LCP1: variants seen among roughly 807,000 people sequenced by gnomAD.
The protein encoded by LCP1 is plastin-2.
In LCP1, 23 loss-of-function variants were observed where a neutral mutation model predicts 72.0. That is an observed-to-expected ratio of 0.32 (90% CI 0.23 to 0.45). The LOEUF (loss-of-function observed/expected upper bound fraction) is 0.45. Among genes scored for constraint, LCP1 ranks in the 20% least tolerant of loss-of-function variants. The pLI is 1.00. For missense variants in LCP1, 571 were observed against 748.3 expected (o/e 0.76, Z 2.76); for synonymous variants, 245 against 275.4 (o/e 0.89, Z 1.09).
intron 10 of LCP1, among the ~76,000 whole-genome samples, chr13:46,146,223 C>A (rs2045730030): frequency 6.6e-6 from 1 of 152,190 alleles, no homozygotes; most frequent in Admixed American, 6.5e-5. Flanking sequence ...GAGTAAAGCA[C>A]TGTGGAAAAG....
chr13:46,175,822 T>C (rs138008761), intron 1 of LCP1, among the ~76,000 whole-genome samples: 33 of 152,360 alleles, frequency 2.2e-4, no homozygotes, highest in Non-Finnish European at 7.3e-5. Flanking sequence ...TCAGTTCGCA[T>C]TTTTAAGATG....
In LCP1 at chr13:46,142,326, G is replaced by T; in HGVS notation, c.1468C>A (p.Leu490Ile). Residue 490 changes from leucine (L) to isoleucine (I), a missense_variant, in exon 13 of 16, where the codon CTC becomes ATC. By Grantham distance (5) the Leu-to-Ile change is conservative. Coordinates refer to ENST00000323076, the MANE Select transcript of LCP1 (RefSeq NM_002298.5). Reference protein sequence around the residue: ...GQDLNEGNRTLTLALIWQLMR... With the variant: ...GQDLNEGNRTITLALIWQLMR... ...AGCTGCCAAATCAAGGCCAGTGTGA[G>T]AGTGCGGTTTCCTTCATTGAGATCT... The T allele has an allele frequency of 6.2e-7, 1 of 1,613,964 alleles. No homozygotes were observed. The highest frequency in any genetic ancestry group is 8.5e-7 in the Non-Finnish European group (1 of 1,179,910).
intron 1 of LCP1, among the ~76,000 whole-genome samples, chr13:46,178,987 A>G (rs9567635): frequency 0.019 from 2,860 of 152,278 alleles, 83 homozygotes; most frequent in East Asian, 0.15. Flanking sequence ...TGACTTGAGA[A>G]TTTTCTGAGA....
At chr13:46,129,354 T>A (rs920042429) in intron 15 of LCP1, among the ~76,000 whole-genome samples, 1 of 152,174 alleles carries the variant, frequency 6.6e-6, no homozygotes, top group African/African-American at 2.4e-5. Flanking sequence ...CCCTTGAACA[T>A]CTGGGCTGAA....
Position 46,127,539 on chromosome 13 carries a change from T to G in LCP1, c.*52A>C. The stretch of plus-strand genomic sequence containing the variant: ...GCTTGAATCATCCCTGGAGCATCTG[T>G]GCCGGGCAGTCAGGAGTGAGTGCAC... On this transcript the variant is annotated 3_prime_UTR_variant, in exon 16 of 16. Transcript: ENST00000323076. 6.2e-7 allele frequency: 1 copy of G among 1,608,548 alleles called. No homozygotes were observed. Among genetic ancestry groups the G allele is most frequent in the Non-Finnish European group, 8.5e-7 (1 of 1,176,732 alleles).
intron 8 of LCP1, among the ~76,000 whole-genome samples, chr13:46,149,627 C>T (rs774367006): frequency 6.6e-6 from 1 of 152,190 alleles, no homozygotes; most frequent in Non-Finnish European, 1.5e-5. Context: ...CATGACAGCA[C>T]GGAGTCAGTT....
Position 46,158,503 on chromosome 13 carries a change from A to G in LCP1, c.358+19T>C, listed in dbSNP as rs767753970. The G allele has an allele frequency of 4.3e-6, 7 of 1,611,040 alleles. No homozygotes were observed. The highest frequency in any genetic ancestry group is 5.9e-6 in the Non-Finnish European group (7 of 1,179,166). On this transcript the variant is annotated intron_variant, in intron 4 of 15. Coordinates refer to ENST00000323076, the MANE Select transcript of LCP1 (RefSeq NM_002298.5). ...TCTGTAATCCTGAAATCCTGCTCCA[A>G]CCCAGGAGTTGAGCCTACCTGAATA...
chr13:46,155,205 TA>T (rs1280944694), intron 5 of LCP1, among the ~76,000 whole-genome samples: 3 of 152,234 alleles, frequency 2.0e-5, no homozygotes, highest in Admixed American at 6.5e-5. Flanking sequence ...AATTCTACCA[TA>T]AGTACTTTAT....
At chr13:46,159,754 G>T in intron 1 of LCP1, 68 bp from the exon 2 acceptor site, 3 of 866,756 alleles carry the variant, frequency 3.5e-6, no homozygotes, top group East Asian at 2.4e-5. Context: ...ACATTAAGAA[G>T]CAATTCCCAT....
intron 6 of LCP1, among the ~76,000 whole-genome samples, chr13:46,154,541 T>C (rs1401182803): frequency 5.9e-5 from 9 of 152,230 alleles, no homozygotes; most frequent in Non-Finnish European, 1.3e-4. Context: ...TAAGGAAAGC[T>C]TGAGTTAAAA....
intron 14 of LCP1, among the ~76,000 whole-genome samples, chr13:46,131,240 A>C (rs1274798829): frequency 3.9e-5 from 6 of 152,228 alleles, no homozygotes; most frequent in Non-Finnish European, 8.8e-5. Flanking sequence ...CAAGCATATG[A>C]AAAAATGCAA....
rs755946123 is a variant in LCP1, at chr13:46,143,392, A to C, written c.1266T>G (p.Asp422Glu). 6.2e-7 allele frequency: 1 copy of C among 1,612,692 alleles called. No homozygotes were observed. The highest frequency in any genetic ancestry group is 1.7e-5 in the Admixed American group (1 of 60,030). ...RVNHLYSDLS[D>E]ALVIFQLYEK... is the part of the protein sequence containing the mutation. ...CATAGAGCTGGAAGATGACCAGGGC[A>C]TCTGATAAGTCACTGAACAAAACAA... Residue 422 changes from aspartate to glutamate, a missense_variant, in exon 12 of 16, where the codon GAT becomes GAG. Asp to Glu is a conservative substitution (Grantham distance 45, BLOSUM62 2). Transcript: ENST00000323076.
chr13:46,156,444 A>T lies in LCP1; in HGVS notation c.485T>A (p.Val162Asp). 1 of 1,613,732 alleles carries T rather than the reference A, an allele frequency of 6.2e-7. No individual in the cohort carries two copies. The highest frequency in any genetic ancestry group is 8.5e-7 in the Non-Finnish European group (1 of 1,179,830). The change falls in exon 5 of 16, where the codon GTC becomes GAC. Residue 162 changes from valine (V) to aspartate (D), a missense_variant. By Grantham distance (152) the Val-to-Asp change is radical. Coordinates refer to ENST00000323076, the MANE Select transcript of LCP1 (RefSeq NM_002298.5). ...AGAAAGAAGTATTATTTACCAAAGGACAATGCCATCTCCAACAGCATTAAA... is the reference window on the plus strand; with the variant it reads ...AGAAAGAAGTATTATTTACCAAAGGTCAATGCCATCTCCAACAGCATTAAA... ...DLFNAVGDGIVLCKMINLSVP... is the reference protein window; with the variant it reads ...DLFNAVGDGIDLCKMINLSVP...
At chr13:46,130,697 A>G (rs1198425994) in intron 15 of LCP1, 117 bp downstream of exon 15, 2 of 1,276,780 alleles carry the variant, frequency 1.6e-6, no homozygotes, top group East Asian at 2.5e-5. Context: ...GAGAAGGAAA[A>G]GCACGGATAG....
intron 14 of LCP1, among the ~76,000 whole-genome samples, chr13:46,131,709 A>G (rs2045635284): frequency 6.6e-6 from 1 of 152,196 alleles, no homozygotes; most frequent in Non-Finnish European, 1.5e-5. Context: ...TTGCAGCAAC[A>G]TGGATGCAGC....
Position 46,176,032 on chromosome 13 carries a change from C to G in LCP1, c.-25+6079G>C, listed in dbSNP as rs183238828. 5.3e-5 allele frequency among the ~76,000 whole-genome samples: 8 copies of G among 152,138 alleles called. No homozygotes were observed. In the East Asian group the frequency reaches 1.5e-3, roughly 29 times the overall value. On this transcript the variant is annotated intron_variant, in intron 1 of 15. Coordinates refer to ENST00000323076, the MANE Select transcript of LCP1 (RefSeq NM_002298.5). ...AAGGATCTACTTTTTAAATGTTACA[C>G]CTGAGATTACTAGAGGCTGGGAAGG...
chr13:46,131,960 A>G (rs1422439776), intron 14 of LCP1, among the ~76,000 whole-genome samples: 1 of 151,760 alleles, frequency 6.6e-6, no homozygotes, highest in Non-Finnish European at 1.5e-5. Flanking sequence ...AGCATCACAC[A>G]ATATACCCTT....
chr13:46,130,998 C>T, intron 14 of LCP1, 60 bp from the exon 15 acceptor site: 2 of 1,504,386 alleles, frequency 1.3e-6, no homozygotes, highest in African/African-American at 2.9e-5. Flanking sequence ...CCATTCAGCT[C>T]AAAGGAAGTG....
intron 1 of LCP1, among the ~76,000 whole-genome samples, chr13:46,161,678 CAA>C (rs1296734442): frequency 6.6e-6 from 1 of 152,046 alleles, no homozygotes; most frequent in Non-Finnish European, 1.5e-5. Context: ...TATCCAAACC[CAA>C]GAGTTAAACC....
Sources: gnomAD v4.1 joint callset for allele counts (sites outside exome capture counted in the v4.1 genomes callset) on GRCh38, gnomAD v4.1.1 for gene constraint, MANE v1.5 for transcripts, NCBI Gene and HGNC (gene_info 2026-07-23, HGNC 2026-07-21) for gene names.